Variants in SHC3 observed in about 807,000 individuals in gnomAD.
SHC3 encodes SHC adaptor protein 3.
SHC3 carries 15 observed loss-of-function variants against 60.4 expected under a neutral mutation model. The observed-to-expected ratio is 0.25, with a 90% CI of 0.17 to 0.38. The LOEUF is 0.38. Among genes scored for constraint, SHC3 ranks in the 10% least tolerant of loss-of-function variants. The pLI is 1.00. For synonymous variants in SHC3, 294 were observed against 325.9 expected (o/e 0.90, Z 1.05); for missense variants, 677 against 786.1 (o/e 0.86, Z 1.66).
At chr9:89,123,374 A>G (rs893850754) in intron 1 of SHC3, among the ~76,000 whole-genome samples, 6 of 152,220 alleles carry the variant, frequency 3.9e-5, no homozygotes, top group Non-Finnish European at 5.9e-5. Context: ...GGTGACTCCA[A>G]TTAGAAACTA....
chr9:89,021,973 C>T (rs1306182565), intron 11 of SHC3, among the ~76,000 whole-genome samples: 1 of 152,134 alleles, frequency 6.6e-6, no homozygotes, highest in Non-Finnish European at 1.5e-5. Context: ...GTAAGTCACA[C>T]GACTTGCCCG....
rs146442803 is a variant in SHC3, at chr9:89,043,796, G to T, written c.1202-1612C>A. On this transcript the variant is annotated intron_variant, in intron 9 of 11. Transcript: ENST00000375835. The stretch of plus-strand genomic sequence containing the variant: ...GCCTCCCGAGTAGCTAGGATTACAG[G>T]TGCCCACCACCATGCACAGCTAATT... 1.2e-3 allele frequency among the ~76,000 whole-genome samples: 177 copies of T among 152,084 alleles called. 5 individuals are homozygous for T. The East Asian group carries it at 0.033, about 28-fold the overall frequency.
At chr9:89,039,371 A>G (rs887185793) in intron 10 of SHC3, among the ~76,000 whole-genome samples, 1 of 152,196 alleles carries the variant, frequency 6.6e-6, no homozygotes. Flanking sequence ...GCTCTTTTTG[A>G]TGCTTATTAA....
At chr9:89,160,943 C>A (rs1197318945) in intron 1 of SHC3, among the ~76,000 whole-genome samples, 1 of 152,210 alleles carries the variant, frequency 6.6e-6, no homozygotes, top group African/African-American at 2.4e-5. Context: ...TAATCCCCAG[C>A]AGTATACAAA....
chr9:89,028,022 C>T (rs778780275), intron 11 of SHC3, among the ~76,000 whole-genome samples: 4 of 152,226 alleles, frequency 2.6e-5, no homozygotes, highest in Admixed American at 6.5e-5. Flanking sequence ...AGAAATTAAA[C>T]ATGCTGCCTG....
chr9:89,166,508 C>T (rs573145578), intron 1 of SHC3, among the ~76,000 whole-genome samples: 30 of 152,292 alleles, frequency 2.0e-4, no homozygotes, highest in Middle Eastern at 6.8e-3. Context: ...AAGGAGAAAA[C>T]GCTTCAAGGC....
chr9:89,153,413 C>T (rs1826573726), intron 1 of SHC3, among the ~76,000 whole-genome samples: 1 of 152,204 alleles, frequency 6.6e-6, no homozygotes, highest in Non-Finnish European at 1.5e-5. Flanking sequence ...TCACCTACCC[C>T]AACATCCATG....
chr9:89,027,327 A>ATTTTTTTTTTTTTTTT lies in SHC3; in HGVS notation c.1656+10665_1656+10666insAAAAAAAAAAAAAAAA, dbSNP rs540788767. Among the ~76,000 whole-genome samples, 27 of 130,374 alleles carry ATTTTTTTTTTTTTTTT rather than the reference A, an allele frequency of 2.1e-4. 2 individuals carry two copies. Among genetic ancestry groups the ATTTTTTTTTTTTTTTT allele is most frequent in the African/African-American group, 6.9e-4 (22 of 31,812 alleles). 85.5% of individuals were successfully genotyped at this position (130,374 alleles called of 152,430 possible). A position where few individuals can be genotyped will look rare whatever the true frequency, so the allele number is the denominator to read the frequency against. ...ACAACTAGTGATGGGTGAAATTCTG[A>ATTTTTTTTTTTTTTTT]TTTTTTTTTTTTGAGACTGAGTCTC... On this transcript the variant is annotated intron_variant, in intron 11 of 11. Coordinates refer to ENST00000375835, the MANE Select transcript of SHC3 (RefSeq NM_016848.6).
At chr9:89,039,887 G>A (rs1415883050) in intron 10 of SHC3, among the ~76,000 whole-genome samples, 3 of 150,050 alleles carry the variant, frequency 2.0e-5, no homozygotes, top group Non-Finnish European at 4.4e-5. Flanking sequence ...ATTGTCACCA[G>A]CATAACCATC....
At chr9:89,176,437 A>G (rs1826942930) in intron 1 of SHC3, among the ~76,000 whole-genome samples, 1 of 152,250 alleles carries the variant, frequency 6.6e-6, no homozygotes, top group South Asian at 2.1e-4. Flanking sequence ...CCTCAATTTG[A>G]AAACTACTCT....
Position 89,045,788 on chromosome 9 carries a change from C to T in SHC3, c.1159G>A (p.Asp387Asn). The T allele has an allele frequency of 1.2e-6, 2 of 1,614,192 alleles. No homozygotes were observed. Among genetic ancestry groups the T allele is most frequent in the Non-Finnish European group, 1.7e-6 (2 of 1,180,036 alleles). ...QTYYQGRHLG[D>N]TFGEDWQQTP... The stretch of plus-strand genomic sequence containing the variant: ...TGCTGCCAGTCTTCGCCAAAAGTGT[C>T]TCCTAAGTGTCTTCCCTGGTAATAA... Residue 387 changes from aspartate (D) to asparagine (N), a missense_variant, in exon 9 of 12, where the codon GAC (aspartate) becomes AAC (asparagine). Asp to Asn is a conservative substitution (Grantham distance 23). Transcript: ENST00000375835.
rs562833016 is a variant in SHC3 at position 89,071,117 on chromosome 9, C to T, written c.783+82G>A. On this transcript the variant is annotated intron_variant, in intron 5 of 11. Coordinates refer to ENST00000375835, the MANE Select transcript of SHC3 (RefSeq NM_016848.6). ...TCACAATTAACCTTTTTTACAGTGTCTTGCAAGGCATATTATTGAAGCAGG... is the reference window on the plus strand; with the variant it reads ...TCACAATTAACCTTTTTTACAGTGTTTTGCAAGGCATATTATTGAAGCAGG... 6.7e-6 allele frequency: 9 copies of T among 1,347,174 alleles called. No individual in the cohort carries two copies. The South Asian group carries it at 1.1e-4, about 16-fold the overall frequency. 83.5% of individuals were successfully genotyped at this position (1,347,174 alleles called of 1,614,324 possible).
chr9:89,013,685 G>A (rs187048119), intron 11 of SHC3, 110 bp from the exon 12 acceptor site: 64 of 1,419,440 alleles, frequency 4.5e-5, no homozygotes, highest in South Asian at 2.9e-4. Context: ...AGGAAAGGAG[G>A]GGGGGACAAG....
At chr9:89,150,018 G>A (rs987266163) in intron 1 of SHC3, among the ~76,000 whole-genome samples, 51 of 152,090 alleles carry the variant, frequency 3.4e-4, no homozygotes, top group African/African-American at 1.0e-3. Flanking sequence ...GGTGTTCAAG[G>A]AACCCTTATT....
intron 2 of SHC3, 131 bp downstream of exon 2, chr9:89,112,425 A>T: frequency 1.2e-6 from 1 of 869,392 alleles, no homozygotes; most frequent in Non-Finnish European, 1.9e-6. Flanking sequence ...TGAGGACAGT[A>T]CTGACTCACT....
intron 1 of SHC3, among the ~76,000 whole-genome samples, chr9:89,131,039 C>A (rs1052859234): frequency 6.6e-6 from 1 of 151,814 alleles, no homozygotes; most frequent in African/African-American, 2.4e-5. Flanking sequence ...AAAGAGAGAA[C>A]AATCAAATAG....
chr9:89,064,468 G>A (rs1393770739), intron 6 of SHC3, among the ~76,000 whole-genome samples: 1 of 152,200 alleles, frequency 6.6e-6, no homozygotes. Flanking sequence ...GTTTGCCCCT[G>A]AGAAATGAAG....
intron 11 of SHC3, among the ~76,000 whole-genome samples, chr9:89,034,696 T>C (rs1320324088): frequency 6.6e-6 from 1 of 152,218 alleles, no homozygotes; most frequent in Non-Finnish European, 1.5e-5. Flanking sequence ...GAGCTAAATC[T>C]AGACACTGTA....
intron 11 of SHC3, among the ~76,000 whole-genome samples, chr9:89,025,194 TCACA>T (rs34622700): frequency 6.6e-5 from 10 of 150,404 alleles, no homozygotes; most frequent in East Asian, 2.0e-4. Flanking sequence ...CTGGAACAGG[TCACA>T]CACACACACA....
Sources: allele counts gnomAD v4.1 joint callset (sites outside exome capture counted in the v4.1 genomes callset), GRCh38; gene constraint gnomAD v4.1.1; transcripts MANE v1.5; gene names NCBI Gene and HGNC (gene_info 2026-07-23, HGNC 2026-07-21).